ZNF814: variants seen among roughly 807,000 people sequenced by gnomAD.
The protein encoded by ZNF814 is zinc finger protein 814.
ZNF814 carries 5 observed loss-of-function variants against 7.5 expected under a neutral mutation model. The ratio of observed to expected loss-of-function variants is 0.67; its 90% CI spans 0.35 to 1.40. The LOEUF is 1.40. ZNF814 is among the 40% of genes most tolerant of loss of function. The pLI is 0.04. For missense variants in ZNF814, 962 were observed against 1,018.0 expected (o/e 0.94, Z 0.75); for synonymous variants, 315 against 340.7 (o/e 0.92, Z 0.83).
At position 57,873,836 on chromosome 19, in the gene ZNF814, T is replaced by C. The variant is rs2071578982; in HGVS notation, c.1554A>G (p.Arg518=). 2 of 1,613,900 alleles carry C rather than the reference T, an allele frequency of 1.2e-6. No individual in the cohort carries two copies. The highest frequency in any genetic ancestry group is 1.7e-6 in the Non-Finnish European group (2 of 1,179,972). ...TCCCACATTCTCCACACTCATAAGG[T>C]CTTGCTCCAGTGTGAACTCGCTGGT... ...VLHQRVHTGA[R]PYECGECGKS... The change falls in exon 3 of 3, where the codon AGA becomes AGG. Residue 518 remains arginine, a synonymous_variant. Transcript: ENST00000435989.
At chr19:57,875,437 C>T (rs575953214) in intron 2 of ZNF814, among the ~76,000 whole-genome samples, 72 of 152,314 alleles carry the variant, frequency 4.7e-4, no homozygotes, top group African/African-American at 1.5e-3. Flanking sequence ...AAGGACACAA[C>T]CATGTATGTA....
In ZNF814 at chr19:57,874,646, C is replaced by T. The variant is rs766122163; in HGVS notation, c.744G>A (p.Gly248=). 1 of 1,555,870 alleles carries T rather than the reference C, an allele frequency of 6.4e-7. No individual in the cohort carries two copies. Among genetic ancestry groups the T allele is most frequent in the Non-Finnish European group, 8.7e-7 (1 of 1,148,876 alleles). Residue 248 remains glycine (G), a synonymous_variant, in exon 3 of 3, where the codon GGG becomes GGA. Transcript: ENST00000435989. The part of the protein sequence containing the change: ...REECYVCCEC[G]KSFSKYASLS... The stretch of plus-strand genomic sequence containing the variant: ...AGCTAGCATATTTGCTAAAGGACTT[C>T]CCACATTCACAGCACACATAACACT...
the ZNF814 span, chr19:57,900,558 G>A: frequency 6.6e-6 from 1 of 152,134 alleles, no homozygotes; most frequent in Non-Finnish European, 1.5e-5. Context: ...TTCTGCCGGT[G>A]AAGTCCTGCA....
chr19:57,902,127 T>C, the ZNF814 span, among the ~76,000 whole-genome samples: 2 of 152,132 alleles, frequency 1.3e-5, no homozygotes, highest in African/African-American at 4.8e-5. Context: ...AAGTTTAAAA[T>C]ATAACCATTC....
intron 2 of ZNF814, among the ~76,000 whole-genome samples, chr19:57,876,238 G>A (rs113016615): frequency 1.1e-3 from 171 of 152,028 alleles, no homozygotes; most frequent in African/African-American, 4.0e-3. Flanking sequence ...TTACAGGAGT[G>A]AGCCACCATC....
At position 57,872,549 on chromosome 19, in the gene ZNF814, TTTTC is replaced by T. The variant is rs2071564600; in HGVS notation, c.*269_*272del. The T allele has an allele frequency of 1.2e-6, 1 of 843,974 alleles. No homozygotes were observed. Among genetic ancestry groups the T allele is most frequent in the African/African-American group, 1.7e-5 (1 of 59,046 alleles). The allele number at this position is 843,974 out of a possible 1,614,324, so 52.3% of individuals were successfully genotyped here. ...AGGAGAAAAGACCTTCAGGTAACTT[TTTTC>T]CCACATTTGCTGCAATCACAAGACC... On this transcript the variant is annotated 3_prime_UTR_variant, in exon 3 of 3. Coordinates refer to ENST00000435989, the MANE Select transcript of ZNF814 (RefSeq NM_001144989.2).
In ZNF814 at chr19:57,869,425, G is replaced by A. The variant is rs2071536832; in HGVS notation, c.*3397C>T. 1 of 151,094 alleles carries A rather than the reference G, an allele frequency of 6.6e-6. No homozygotes were observed. Among genetic ancestry groups the A allele is most frequent in the Non-Finnish European group, 1.5e-5 (1 of 67,910 alleles). The allele number at this position is 151,094 out of a possible 1,614,324, so 9.4% of individuals were successfully genotyped here. Reference sequence around the variant, plus strand: ...ATTACATCACTCATCTAACATTCCAGAAAATGGAAAGTACTCTACTGTACA... The same window carrying A: ...ATTACATCACTCATCTAACATTCCAAAAAATGGAAAGTACTCTACTGTACA... On this transcript the variant is annotated 3_prime_UTR_variant, in exon 3 of 3. Coordinates refer to ENST00000435989, the MANE Select transcript of ZNF814 (RefSeq NM_001144989.2).
In ZNF814 at chr19:57,871,553, AGC is replaced by A. The variant is rs2071557105; in HGVS notation, c.*1267_*1268del. ...GCTGAAACAATAAGGCCTTCATAAT[AGC>A]ACAAACCGGAGAAATGGGAGGCAAG... On this transcript the variant is annotated 3_prime_UTR_variant, in exon 3 of 3. Transcript: ENST00000435989. The A allele has an allele frequency of 6.6e-6, 1 of 152,206 alleles. No individual in the cohort carries two copies. The highest frequency in any genetic ancestry group is 1.5e-5 in the Non-Finnish European group (1 of 68,048). The allele number at this position is 152,206 out of a possible 1,614,324, so 9.4% of individuals were successfully genotyped here.
At chr19:57,883,800 C>T (rs2071667919) in intron 1 of ZNF814, among the ~76,000 whole-genome samples, 1 of 151,800 alleles carries the variant, frequency 6.6e-6, no homozygotes, top group Non-Finnish European at 1.5e-5. Flanking sequence ...CTCTGTTGCC[C>T]AGGCTGGAGC....
chr19:57,878,085 G>T (rs2071621114), intron 1 of ZNF814, among the ~76,000 whole-genome samples: 1 of 147,646 alleles, frequency 6.8e-6, no homozygotes, highest in East Asian at 2.0e-4. Context: ...AGAATCGCTT[G>T]AACCCAGGAG....
chr19:57,873,203 G>A lies in ZNF814; in HGVS notation c.2187C>T (p.Tyr729=), dbSNP rs2071571811. 2 of 1,612,454 alleles carry A rather than the reference G, an allele frequency of 1.2e-6. No individual in the cohort carries two copies. The highest frequency in any genetic ancestry group is 8.5e-7 in the Non-Finnish European group (1 of 1,179,480). ...EACQKFFRNK[Y]QLIAHQRVHT... ...GAACTCTCTGATGTGCAATGAGTTGGTACTTGTTTCTAAAAAATTTCTGAC... is the reference window on the plus strand; with the variant it reads ...GAACTCTCTGATGTGCAATGAGTTGATACTTGTTTCTAAAAAATTTCTGAC... The change falls in exon 3 of 3, where the codon TAC becomes TAT. Residue 729 remains tyrosine, a synonymous_variant. Transcript: ENST00000435989.
chr19:57,876,912 T>C lies in ZNF814; in HGVS notation c.163+4A>G, dbSNP rs2071611287. On this transcript the variant is annotated splice_donor_region_variant and intron_variant, in intron 2 of 2. Transcript: ENST00000435989. ...AGGTCACAGGGTGAGTGTGAGCAAC[T>C]TACCCAGGGAGGATATAAGTGCCAG... is the stretch of plus-strand genomic sequence containing the variant. 1.2e-6 allele frequency: 2 copies of C among 1,614,070 alleles called. No homozygotes were observed.
At chr19:57,901,717 TGA>T in the ZNF814 span, 3 of 398,522 alleles carry the variant, frequency 7.5e-6, no homozygotes, top group Non-Finnish European at 1.3e-5. Flanking sequence ...GAGGACAATC[TGA>T]GAGCACAGAA....
rs1417317417 is a variant in ZNF814 at position 57,876,241 on chromosome 19, C to T, written c.163+675G>A. On this transcript the variant is annotated intron_variant, in intron 2 of 2. Transcript: ENST00000435989. ...AAAGTGCTGGGATTACAGGAGTGAGCCACCATCCCCAGCCCAGGGTGCCAC... is the reference window on the plus strand; with the variant it reads ...AAAGTGCTGGGATTACAGGAGTGAGTCACCATCCCCAGCCCAGGGTGCCAC... 2.6e-5 allele frequency among the ~76,000 whole-genome samples: 4 copies of T among 152,026 alleles called. No individual in the cohort carries two copies. The East Asian group carries it at 7.7e-4, about 29-fold the overall frequency.
rs1240136332 is a variant in ZNF814, at chr19:57,888,920, C to T, written c.-118G>A. On this transcript the variant is annotated 5_prime_UTR_variant, in exon 1 of 3. Coordinates refer to ENST00000435989, the MANE Select transcript of ZNF814 (RefSeq NM_001144989.2). ...CACGCTGGGCGCCGTCACAGAGCTC[C>T]AGAGTAGCCTCTGTGCAGCGGAGGA... 1.8e-6 allele frequency: 2 copies of T among 1,134,550 alleles called. No homozygotes were observed. Among genetic ancestry groups the T allele is most frequent in the Non-Finnish European group, 2.6e-6 (2 of 779,640 alleles). 70.3% of individuals were successfully genotyped at this position (1,134,550 alleles called of 1,614,324 possible).
rs1007979645 is a variant in ZNF814, at chr19:57,879,178, G to A, written c.37-2136C>T. Among the ~76,000 whole-genome samples the A allele has an allele frequency of 1.1e-4, 16 of 149,072 alleles. No homozygotes were observed. In the South Asian group the frequency reaches 1.1e-3, roughly 10 times the overall value. On this transcript the variant is annotated intron_variant, in intron 1 of 2. Transcript: ENST00000435989. ...CTATTGGATCCTAAAAGGAGCGGTG[G>A]TCTCAAGTAATTCTGTGAGGACCTC... is the stretch of plus-strand genomic sequence containing the variant.
chr19:57,888,374 C>T (rs944565377), intron 1 of ZNF814, among the ~76,000 whole-genome samples: 4 of 152,122 alleles, frequency 2.6e-5, no homozygotes, highest in African/African-American at 9.7e-5. Flanking sequence ...CATGCATGGA[C>T]CTGATTATCT....
intron 1 of ZNF814, among the ~76,000 whole-genome samples, chr19:57,884,964 C>G (rs772201322): frequency 2.5e-4 from 38 of 152,168 alleles, no homozygotes; most frequent in Non-Finnish European, 4.4e-4. Context: ...ATGTTTGCTG[C>G]AGCACTGTTC....
Position 57,870,329 on chromosome 19 carries a change from ACT to A in ZNF814, c.*2491_*2492del, listed in dbSNP as rs1229104183. 6.6e-6 allele frequency: 1 copy of A among 152,146 alleles called. No individual in the cohort carries two copies. The highest frequency in any genetic ancestry group is 1.5e-5 in the Non-Finnish European group (1 of 68,020). 9.4% of individuals were successfully genotyped at this position (152,146 alleles called of 1,614,324 possible). Reference sequence around the variant, plus strand: ...TTATTTTTGGAAAACAGGTTTGGCAACTCTATACTGACTACACCAATTCTTCT... The same window carrying A: ...TTATTTTTGGAAAACAGGTTTGGCAACTATACTGACTACACCAATTCTTCT... On this transcript the variant is annotated 3_prime_UTR_variant, in exon 3 of 3. Coordinates refer to ENST00000435989, the MANE Select transcript of ZNF814 (RefSeq NM_001144989.2).
Sources: gnomAD v4.1 joint callset for allele counts (sites outside exome capture counted in the v4.1 genomes callset) on GRCh38, gnomAD v4.1.1 for gene constraint, MANE v1.5 for transcripts, NCBI Gene and HGNC (gene_info 2026-07-23, HGNC 2026-07-21) for gene names.